Variants in PTPRN2 observed in about 807,000 individuals in gnomAD.
The protein encoded by PTPRN2 is protein tyrosine phosphatase receptor type N2.
Under a neutral mutation model 118.8 loss-of-function variants are expected in PTPRN2, and 74 were observed. The ratio of observed to expected loss-of-function variants is 0.62; its 90% CI spans 0.52 to 0.76. PTPRN2 has a LOEUF of 0.76. PTPRN2 is among the 30% of genes least tolerant of loss of function. The probability of loss-of-function intolerance (pLI) is 0.00; values close to 1 mark genes in which losing one functional copy is unlikely to be tolerated. For missense variants in PTPRN2, 1,481 were observed against 1,394.4 expected (o/e 1.06, Z -0.99); for synonymous variants, 641 against 608.0 (o/e 1.05, Z -0.80).
chr7:158,497,926 G>A (rs949277091), intron 1 of PTPRN2, among the ~76,000 whole-genome samples: 3 of 152,250 alleles, frequency 2.0e-5, no homozygotes, highest in African/African-American at 7.2e-5. Context: ...CACATGAGCA[G>A]GAGCTGGGAG....
At chr7:158,551,592 A>C (rs1826659224) in intron 1 of PTPRN2, among the ~76,000 whole-genome samples, 2 of 109,076 alleles carry the variant, frequency 1.8e-5, no homozygotes, top group African/African-American at 7.1e-5. Flanking sequence ...GTGGGGTTCT[A>C]ATGCATGCAT....
intron 12 of PTPRN2, among the ~76,000 whole-genome samples, chr7:157,830,268 C>T (rs980190938): frequency 3.3e-5 from 5 of 152,196 alleles, no homozygotes; most frequent in Admixed American, 6.5e-5. Context: ...ACCCTTCTTC[C>T]CTACTCAGCC....
At chr7:158,532,036 A>G (rs1239211595) in intron 1 of PTPRN2, among the ~76,000 whole-genome samples, 1 of 152,218 alleles carries the variant, frequency 6.6e-6, no homozygotes, top group African/African-American at 2.4e-5. Context: ...GGCTTATTTT[A>G]TTCTTAGAAT....
At chr7:157,748,447 CTGTGGGGTG>C (rs1383898282) in intron 12 of PTPRN2, among the ~76,000 whole-genome samples, 8 of 149,468 alleles carry the variant, frequency 5.4e-5, no homozygotes, top group African/African-American at 9.9e-5. Context: ...TGTCCCTGAG[CTGTGGGGTG>C]TCTGGGTGAT....
chr7:157,978,166 G>A (rs144061656), intron 11 of PTPRN2, among the ~76,000 whole-genome samples: 2 of 152,102 alleles, frequency 1.3e-5, no homozygotes, highest in African/African-American at 4.8e-5. Flanking sequence ...TCTCAGGTGT[G>A]TTTTGTGGAA....
intron 8 of PTPRN2, among the ~76,000 whole-genome samples, 173 bp from the exon 9 acceptor site, chr7:158,134,232 C>T (rs1290069904): frequency 2.0e-5 from 3 of 152,108 alleles, no homozygotes; most frequent in Admixed American, 6.5e-5. Flanking sequence ...GATGTCTAGC[C>T]GAGCATGAGG....
chr7:158,161,676 G>A (rs1822369675), intron 6 of PTPRN2, among the ~76,000 whole-genome samples: 1 of 152,166 alleles, frequency 6.6e-6, no homozygotes, highest in Non-Finnish European at 1.5e-5. Context: ...GTTTGGTGAT[G>A]ACTTTTTAAA....
chr7:157,736,675 C>G (rs543101649), intron 12 of PTPRN2, among the ~76,000 whole-genome samples: 3 of 152,152 alleles, frequency 2.0e-5, no homozygotes, highest in Non-Finnish European at 4.4e-5. Flanking sequence ...CACAGATGCA[C>G]GCAGACGGCT....
At position 158,134,025 on chromosome 7, in the gene PTPRN2, A is replaced by G; in HGVS notation, c.1208T>C (p.Leu403Pro). 6 of 1,613,880 alleles carry G rather than the reference A, an allele frequency of 3.7e-6. No homozygotes were observed. Among genetic ancestry groups the G allele is most frequent in the Non-Finnish European group, 5.1e-6 (6 of 1,179,990 alleles). Reference sequence around the variant, plus strand: ...TAAGAGTCGAGACCCGTGGTCCTGCAGGAGGCCCCCGAGTGTGGCACTCAG... The same window carrying G: ...TAAGAGTCGAGACCCGTGGTCCTGCGGGAGGCCCCCGAGTGTGGCACTCAG... ...HRLSATLGGL[L>P]QDHGSRLLPG... The change falls in exon 9 of 23, where the codon CTG (leucine) becomes CCG (proline). Residue 403 changes from leucine (L) to proline (P), a missense_variant. This residue lies in a region of PTPRN2 where 1,115 missense variants were observed against 994.2 expected (regional missense o/e 1.12). Coordinates refer to ENST00000389418, the MANE Select transcript of PTPRN2 (RefSeq NM_002847.5).
chr7:158,172,500 A>C (rs993561556), intron 5 of PTPRN2, among the ~76,000 whole-genome samples: 5 of 150,610 alleles, frequency 3.3e-5, no homozygotes, highest in Non-Finnish European at 5.9e-5. Flanking sequence ...TCATCCCACC[A>C]TCAATAGCAG....
intron 13 of PTPRN2, among the ~76,000 whole-genome samples, chr7:157,658,475 C>T (rs190899047): frequency 1.1e-3 from 171 of 152,270 alleles, no homozygotes; most frequent in East Asian, 5.0e-3. Flanking sequence ...GCAGGGTCTT[C>T]GACCCTCCTT....
chr7:158,447,819 G>A (rs1250829387), intron 2 of PTPRN2, among the ~76,000 whole-genome samples: 1 of 152,234 alleles, frequency 6.6e-6, no homozygotes, highest in Non-Finnish European at 1.5e-5. Flanking sequence ...GCCGAGAGCG[G>A]GGGCAGTGCT....
chr7:158,394,654 GAGC>G (rs1252181771), intron 2 of PTPRN2, among the ~76,000 whole-genome samples: 1 of 152,270 alleles, frequency 6.6e-6, no homozygotes, highest in East Asian at 1.9e-4. Context: ...TTGATGAGGG[GAGC>G]AGATTTTTGC....
At chr7:157,687,562 C>G (rs1263540) in intron 12 of PTPRN2, among the ~76,000 whole-genome samples, 133,513 of 152,276 alleles carry the variant, frequency 0.88, 58,756 homozygotes, top group Non-Finnish European at 0.91. Context: ...CTCATCCTAT[C>G]TTTGTGTGCA....
intron 1 of PTPRN2, among the ~76,000 whole-genome samples, chr7:158,496,322 T>TTCA (rs1821850163): frequency 3.3e-5 from 3 of 90,408 alleles, no homozygotes; most frequent in East Asian, 8.6e-4. Flanking sequence ...CCCCCTTTCC[T>TTCA]GTGGCCCCTC....
Position 157,674,336 on chromosome 7 carries a change from C to T in PTPRN2, c.2001+8389G>A, listed in dbSNP as rs1796558646. ...GGGGACTCCTGCTGGAGGCGGCCGG[C>T]AGATCAGCCTTCCTTATCCACGTCC... On this transcript the variant is annotated intron_variant, in intron 13 of 22. Transcript: ENST00000389418. This position sits in a 1 kb window ranked among gnomAD's most constrained non-coding sequence, Gnocchi z 4.5. 3.3e-5 allele frequency among the ~76,000 whole-genome samples: 5 copies of T among 152,284 alleles called. No homozygotes were observed. The highest frequency in any genetic ancestry group is 3.3e-4 in the Admixed American group (5 of 15,302).
At chr7:158,059,443 C>G (rs1810124756) in intron 11 of PTPRN2, among the ~76,000 whole-genome samples, 1 of 123,586 alleles carries the variant, frequency 8.1e-6, no homozygotes, top group Non-Finnish European at 1.6e-5. Flanking sequence ...GGTGAGACAT[C>G]ACTGCAGCCA....
rs188397035 is a variant in PTPRN2, at chr7:157,784,604, C to T, written c.1789-101667G>A. Among the ~76,000 whole-genome samples the T allele has an allele frequency of 8.2e-6, 1 of 121,530 alleles. No individual in the cohort carries two copies. The allele number at this position is 121,530 out of a possible 152,430, so 79.7% of individuals were successfully genotyped here. ...AAGAGCAACTGACCCATGAAACGGGCAGGGGCTGGGCTGATCCCATATGAA... is the reference window on the plus strand; with the variant it reads ...AAGAGCAACTGACCCATGAAACGGGTAGGGGCTGGGCTGATCCCATATGAA... On this transcript the variant is annotated intron_variant, in intron 12 of 22. Coordinates refer to ENST00000389418, the MANE Select transcript of PTPRN2 (RefSeq NM_002847.5). The surrounding 1 kb of genome is among the most constrained non-coding windows in gnomAD (Gnocchi z 4.6).
chr7:158,573,811 A>AC (rs539048908), intron 1 of PTPRN2, among the ~76,000 whole-genome samples: 33 of 152,180 alleles, frequency 2.2e-4, no homozygotes, highest in Non-Finnish European at 1.5e-4. Flanking sequence ...GCCCCACGAG[A>AC]CCCCACAGCA....
Sources: allele counts gnomAD v4.1 joint callset (sites outside exome capture counted in the v4.1 genomes callset), GRCh38; gene constraint gnomAD v4.1.1; regional missense constraint gnomAD v4.1.1; non-coding constraint Gnocchi (gnomAD v3.1); transcripts MANE v1.5; gene names NCBI Gene and HGNC (gene_info 2026-07-23, HGNC 2026-07-21).